CREB5: variants seen among roughly 807,000 people sequenced by gnomAD.
The protein encoded by CREB5 is cyclic AMP-responsive element-binding protein 5.
A neutral mutation model predicts 57.1 loss-of-function variants in CREB5; 19 were observed. The observed-to-expected ratio is 0.33, with a 90% CI of 0.23 to 0.49. The LOEUF is 0.49. Ranked by LOEUF, CREB5 falls within the 20% of genes least tolerant of loss-of-function variation. The pLI is 0.99. For synonymous variants in CREB5, 238 were observed against 238.3 expected, an observed-to-expected ratio of 1.00 and a Z score of 0.01; for missense variants, 579 against 671.6, an observed-to-expected ratio of 0.86 and a Z score of 1.52.
chr7:28,441,965 C>A (rs1033456858), intron 1 of CREB5, among the ~76,000 whole-genome samples: 2 of 152,154 alleles, frequency 1.3e-5, no homozygotes, highest in African/African-American at 4.8e-5. Context: ...CGAATGCCCT[C>A]TTCTAGCTTT....
chr7:28,657,364 C>T (rs373470400), intron 5 of CREB5, among the ~76,000 whole-genome samples: 2 of 152,238 alleles, frequency 1.3e-5, no homozygotes, highest in East Asian at 3.9e-4. Context: ...AGGGTCGATC[C>T]TCAGTTCCCC....
intron 1 of CREB5, among the ~76,000 whole-genome samples, chr7:28,341,476 T>C (rs765467233): frequency 1.3e-5 from 2 of 152,240 alleles, no homozygotes; most frequent in Non-Finnish European, 2.9e-5. Flanking sequence ...GATGAAACTC[T>C]GACTCTTACC....
At chr7:28,500,738 G>T (rs1001983430) in intron 3 of CREB5, among the ~76,000 whole-genome samples, 4 of 152,168 alleles carry the variant, frequency 2.6e-5, no homozygotes, top group African/African-American at 7.2e-5. Flanking sequence ...GGCATTTTAA[G>T]GGGGAAGCTG....
At chr7:28,536,540 G>A (rs1201701673) in intron 4 of CREB5, among the ~76,000 whole-genome samples, 2 of 152,198 alleles carry the variant, frequency 1.3e-5, no homozygotes, top group Non-Finnish European at 2.9e-5. Context: ...TCACGAGGCA[G>A]CACTGTACTG....
At chr7:28,646,359 A>C (rs1394170) in intron 5 of CREB5, among the ~76,000 whole-genome samples, 5,627 of 152,288 alleles carry the variant, frequency 0.037, 132 homozygotes, top group Non-Finnish European at 0.04. Flanking sequence ...GGGAAAAAAA[A>C]CAAAAAACAA....
chr7:28,713,206 T>C (rs566195967), intron 5 of CREB5, among the ~76,000 whole-genome samples: 1 of 152,184 alleles, frequency 6.6e-6, no homozygotes, highest in Non-Finnish European at 1.5e-5. Flanking sequence ...CTGGCTACTT[T>C]TTGTATTTTT....
chr7:28,712,972 A>C (rs1315243148), intron 5 of CREB5, among the ~76,000 whole-genome samples: 1 of 152,232 alleles, frequency 6.6e-6, no homozygotes, highest in Non-Finnish European at 1.5e-5. Flanking sequence ...GACAAAAAAA[A>C]GAAAAAAGTA....
At chr7:28,664,853 T>C (rs1266452150) in intron 5 of CREB5, among the ~76,000 whole-genome samples, 5 of 152,088 alleles carry the variant, frequency 3.3e-5, no homozygotes, top group African/African-American at 4.8e-5. Context: ...GTTTTAGACG[T>C]AGTGTATTCT....
chr7:28,445,608 G>A (rs1041345840), intron 1 of CREB5, among the ~76,000 whole-genome samples: 1 of 151,688 alleles, frequency 6.6e-6, no homozygotes, highest in Non-Finnish European at 1.5e-5. Flanking sequence ...CTGGAGTGCA[G>A]TGGCGCGATC....
intron 5 of CREB5, among the ~76,000 whole-genome samples, chr7:28,646,932 G>A (rs1382905711): frequency 2.6e-5 from 4 of 151,864 alleles, no homozygotes; most frequent in Non-Finnish European, 5.9e-5. Context: ...TTCATTGGCC[G>A]AAAACTAGAC....
intron 1 of CREB5, among the ~76,000 whole-genome samples, chr7:28,348,201 G>T (rs1295462325): frequency 6.6e-6 from 1 of 152,140 alleles, no homozygotes; most frequent in Non-Finnish European, 1.5e-5. Context: ...GCAGAAGGAG[G>T]TCATGGCAAT....
intron 7 of CREB5, among the ~76,000 whole-genome samples, chr7:28,743,064 A>G (rs946672774): frequency 2.0e-5 from 3 of 152,186 alleles, no homozygotes; most frequent in African/African-American, 7.2e-5. Flanking sequence ...AATTACAGGC[A>G]TGAGCCACCG....
intron 1 of CREB5, among the ~76,000 whole-genome samples, chr7:28,430,262 T>C (rs1457984610): frequency 1.3e-5 from 2 of 152,228 alleles, no homozygotes; most frequent in African/African-American, 4.8e-5. Flanking sequence ...TTAACATTGC[T>C]GTGGGAGGCA....
chr7:28,754,861 G>C (rs971953437), intron 7 of CREB5, among the ~76,000 whole-genome samples: 1 of 152,084 alleles, frequency 6.6e-6, no homozygotes, highest in Admixed American at 6.5e-5. Flanking sequence ...TGGGTACTAC[G>C]CCTTTGCTTG....
At chr7:28,511,940 G>T (rs1441280676) in intron 4 of CREB5, among the ~76,000 whole-genome samples, 1 of 152,202 alleles carries the variant, frequency 6.6e-6, no homozygotes, top group Non-Finnish European at 1.5e-5. Context: ...GATGATAGCA[G>T]GTTGGCTCAA....
intron 1 of CREB5, among the ~76,000 whole-genome samples, chr7:28,397,309 T>G (rs553815634): frequency 1.3e-5 from 2 of 152,260 alleles, no homozygotes; most frequent in South Asian, 4.1e-4. Flanking sequence ...GACAATGAAA[T>G]GAGTGATGGC....
chr7:28,445,652 C>A (rs540532064), intron 1 of CREB5, among the ~76,000 whole-genome samples: 3 of 151,968 alleles, frequency 2.0e-5, no homozygotes, highest in East Asian at 1.9e-4. Flanking sequence ...CCCAGGTTCA[C>A]GCCATTCTCC....
intron 1 of CREB5, among the ~76,000 whole-genome samples, chr7:28,357,210 A>G (rs755929343): frequency 6.6e-6 from 1 of 152,208 alleles, no homozygotes; most frequent in Non-Finnish European, 1.5e-5. Context: ...CACCTTGCTG[A>G]TGTCCAAATT....
Position 28,570,429 on chromosome 7 carries a change from G to T in CREB5, c.356G>T (p.Ser119Ile), listed in dbSNP as rs1795651461. The T allele has an allele frequency of 6.2e-7, 1 of 1,614,204 alleles. No homozygotes were observed. Among genetic ancestry groups the T allele is most frequent in the Admixed American group, 1.7e-5 (1 of 60,032 alleles). Reference sequence around the variant, plus strand: ...GGGCCCGGAACTCACCAGCTTAGCAGCGCTCGGCTGCCCAACCATGACACC... The same window carrying T: ...GGGCCCGGAACTCACCAGCTTAGCATCGCTCGGCTGCCCAACCATGACACC... ...MTGPGTHQLS[S>I]ARLPNHDTNV... The change falls in exon 5 of 11, where the codon AGC becomes ATC. Residue 119 changes from serine to isoleucine, a missense_variant. By Grantham distance (142) the Ser-to-Ile change is moderately radical. This residue lies in a region of CREB5 where 459 missense variants were observed against 515.7 expected (regional missense o/e 0.89). Transcript: ENST00000357727.
Sources: allele counts gnomAD v4.1 joint callset (sites outside exome capture counted in the v4.1 genomes callset), GRCh38; gene constraint gnomAD v4.1.1; regional missense constraint gnomAD v4.1.1; transcripts MANE v1.5; gene names NCBI Gene and HGNC (gene_info 2026-07-23, HGNC 2026-07-21).